CCDC90B: variants seen among roughly 807,000 people sequenced by gnomAD.
CCDC90B encodes the protein coiled-coil domain containing 90B.
CCDC90B carries 24 observed loss-of-function variants against 37.0 expected under a neutral mutation model. That is an observed-to-expected ratio of 0.65 (90% confidence interval 0.47 to 0.91). The LOEUF is 0.91. CCDC90B is among the 40% of genes least tolerant of loss of function. The pLI, the probability that CCDC90B is intolerant of heterozygous loss-of-function variation, is 0.00. For synonymous variants in CCDC90B, 113 were observed against 101.1 expected (o/e 1.12, Z -0.71); for missense variants, 319 against 299.0 (o/e 1.07, Z -0.49).
intron 7 of CCDC90B, 137 bp from the exon 8 acceptor site, chr11:83,266,116 GGT>G: frequency 1.8e-6 from 1 of 542,800 alleles, no homozygotes; most frequent in Non-Finnish European, 3.3e-6. Flanking sequence ...AAAGCATAGT[GGT>G]GTAAAAAAAT....
At chr11:83,285,792 T>G (rs571543294) in intron 1 of CCDC90B, 81 bp downstream of exon 1, 1 of 1,513,646 alleles carries the variant, frequency 6.6e-7, no homozygotes, top group Non-Finnish European at 8.8e-7. Flanking sequence ...TCTCTTCCCG[T>G]TCGCTCGAGC....
Position 83,261,901 on chromosome 11 carries a change from A to C in CCDC90B, c.*10T>G. On this transcript the variant is annotated 3_prime_UTR_variant, in exon 9 of 9. Transcript: ENST00000529689. ...AGAAGCCAACAGCCACAGCAGGATG[A>C]GCATTAATACTACTTCCAGAATCTA... 5 of 1,590,818 alleles carry C rather than the reference A, an allele frequency of 3.1e-6. No homozygotes were observed. Among genetic ancestry groups the C allele is most frequent in the Non-Finnish European group, 4.3e-6 (5 of 1,166,154 alleles).
At chr11:83,285,620 G>T in intron 1 of CCDC90B, 1 of 1,344,108 alleles carries the variant, frequency 7.4e-7, no homozygotes, top group African/African-American at 1.5e-5. Flanking sequence ...GGCTGAGAAA[G>T]AAGCCGGGCG....
chr11:83,261,848 A>C lies in CCDC90B; in HGVS notation c.*63T>G. On this transcript the variant is annotated 3_prime_UTR_variant, in exon 9 of 9. Coordinates refer to ENST00000529689, the MANE Select transcript of CCDC90B (RefSeq NM_021825.5). ...TTTTGCTGCAACTGACAATGTTCAAAGTAAATCTCTCCCGGTTTGGTGTTC... is the reference window on the plus strand; with the variant it reads ...TTTTGCTGCAACTGACAATGTTCAACGTAAATCTCTCCCGGTTTGGTGTTC... 8.2e-7 allele frequency: 1 copy of C among 1,221,630 alleles called. No individual in the cohort carries two copies. The highest frequency in any genetic ancestry group is 1.3e-5 in the South Asian group (1 of 75,964). 75.7% of individuals were successfully genotyped at this position (1,221,630 alleles called of 1,614,324 possible). A position where few individuals can be genotyped will look rare whatever the true frequency, so the allele number is the denominator to read the frequency against.
chr11:83,268,914 C>G (rs1864466282), intron 7 of CCDC90B, among the ~76,000 whole-genome samples: 2 of 152,206 alleles, frequency 1.3e-5, no homozygotes, highest in Admixed American at 1.3e-4. Flanking sequence ...AACAAACTGT[C>G]TCTCAGACCA....
At chr11:83,283,904 G>C (rs747074172) in intron 1 of CCDC90B, among the ~76,000 whole-genome samples, 51 of 152,172 alleles carry the variant, frequency 3.4e-4, no homozygotes, top group Non-Finnish European at 5.3e-4. Flanking sequence ...ACAGGCTGCA[G>C]GGAGCCGAGA....
rs189856848 is a variant in CCDC90B at position 83,277,643 on chromosome 11, C to T, written c.324+1083G>A. Among the ~76,000 whole-genome samples the T allele has an allele frequency of 2.8e-3, 423 of 151,640 alleles. 3 individuals are homozygous for T. The highest frequency in any genetic ancestry group is 9.5e-3 in the African/African-American group (395 of 41,390). On this transcript the variant is annotated intron_variant, in intron 3 of 8. Transcript: ENST00000529689. ...GATTACAGGTGCCCACCACCATGCC[C>T]GGCTAATTTTTGTTTTTTTTTTTGT...
Position 83,273,957 on chromosome 11 carries a change from T to C in CCDC90B, c.462A>G (p.Gln154=), listed in dbSNP as rs776178985. 2.5e-6 allele frequency: 4 copies of C among 1,590,852 alleles called. No homozygotes were observed. The African/African-American group carries it at 4.1e-5, about 16-fold the overall frequency. ...AGAAAAAAAATTCACTTACCATTAG[T>C]TGTTGCTTAACTTGGTCTAATTCAA... ...MKIELDQVKQ[Q]LMHETSRIRA... is the part of the protein sequence containing the mutation. The change falls in exon 5 of 9, where the codon CAA becomes CAG. Residue 154 remains glutamine (Q), a synonymous_variant. Coordinates refer to ENST00000529689, the MANE Select transcript of CCDC90B (RefSeq NM_021825.5).
chr11:83,265,583 C>T (rs1009496608), intron 8 of CCDC90B, among the ~76,000 whole-genome samples: 7 of 152,142 alleles, frequency 4.6e-5, no homozygotes, highest in Non-Finnish European at 7.3e-5. Flanking sequence ...AGAAGCTTAA[C>T]ATTTAGAACT....
rs539587442 is a variant in CCDC90B, at chr11:83,274,079, T to A, written c.427-87A>T. The A allele has an allele frequency of 2.2e-3, 2,266 of 1,041,994 alleles. 6 individuals are homozygous for A. Among genetic ancestry groups the A allele is most frequent in the Non-Finnish European group, 2.7e-3 (2,075 of 764,710 alleles). 64.5% of individuals were successfully genotyped at this position (1,041,994 alleles called of 1,614,324 possible). On this transcript the variant is annotated intron_variant, in intron 4 of 8. Transcript: ENST00000529689. ...AATCTGAAACCCTAGATTACCAAAA[T>A]TTGGACAATCTATGGATTTCTAATA...
intron 7 of CCDC90B, among the ~76,000 whole-genome samples, chr11:83,268,653 A>G (rs917741277): frequency 9.9e-5 from 15 of 152,196 alleles, no homozygotes; most frequent in Non-Finnish European, 1.6e-4. Flanking sequence ...CCACATAATA[A>G]TAATGGGAGA....
chr11:83,260,670 C>A lies in CCDC90B; in HGVS notation c.*1241G>T, dbSNP rs1863888307. 6.6e-6 allele frequency: 1 copy of A among 152,144 alleles called. No individual in the cohort carries two copies. Among genetic ancestry groups the A allele is most frequent in the Non-Finnish European group, 1.5e-5 (1 of 68,032 alleles). The allele number at this position is 152,144 out of a possible 1,614,324, so 9.4% of individuals were successfully genotyped here. ...GATTGTCAAACTTTTATAGCTATTA[C>A]CAAGGCATTATGAACTCAAAATGTT... On this transcript the variant is annotated 3_prime_UTR_variant, in exon 9 of 9. Transcript: ENST00000529689.
intron 4 of CCDC90B, 80 bp downstream of exon 4, chr11:83,274,559 T>G (rs1281160826): frequency 6.6e-6 from 5 of 753,048 alleles, no homozygotes; most frequent in Non-Finnish European, 1.1e-5. Flanking sequence ...TATTACTTGG[T>G]CTTATTAACT....
chr11:83,279,292 A>AC (rs1865240554), intron 2 of CCDC90B, among the ~76,000 whole-genome samples: 2 of 152,180 alleles, frequency 1.3e-5, no homozygotes, highest in African/African-American at 4.8e-5. Context: ...AAAAAAACAA[A>AC]AAAAAAACAA....
intron 3 of CCDC90B, 135 bp downstream of exon 3, chr11:83,278,591 G>GTT (rs907350807): frequency 1.5e-5 from 8 of 548,030 alleles, no homozygotes; most frequent in South Asian, 2.5e-5. Flanking sequence ...TTTATTCAAT[G>GTT]TTTTTTTTTG....
At chr11:83,267,250 C>G (rs1864338895) in intron 7 of CCDC90B, 1 of 152,238 alleles carries the variant, frequency 6.6e-6, no homozygotes. Flanking sequence ...AAGAAGAAAA[C>G]TGGACTGAGA....
At chr11:83,277,329 T>C (rs1052474004) in intron 3 of CCDC90B, among the ~76,000 whole-genome samples, 13 of 152,306 alleles carry the variant, frequency 8.5e-5, no homozygotes, top group African/African-American at 3.1e-4. Context: ...AATTAGATGT[T>C]TGGCTTTTTC....
chr11:83,264,941 C>CAT, intron 8 of CCDC90B, among the ~76,000 whole-genome samples: 1 of 122,028 alleles, frequency 8.2e-6, no homozygotes, highest in Non-Finnish European at 1.6e-5. Context: ...GGGAACATCA[C>CAT]GCTCTGGGGA....
At chr11:83,267,807 T>C (rs1038174148) in intron 7 of CCDC90B, among the ~76,000 whole-genome samples, 1 of 152,076 alleles carries the variant, frequency 6.6e-6, no homozygotes, top group Non-Finnish European at 1.5e-5. Context: ...CACATAATTA[T>C]CAGATTCACC....
Sources: allele counts gnomAD v4.1 joint callset (sites outside exome capture counted in the v4.1 genomes callset), GRCh38; gene constraint gnomAD v4.1.1; transcripts MANE v1.5; gene names NCBI Gene and HGNC (gene_info 2026-07-23, HGNC 2026-07-21).